The following SH3TC1 variants were observed in gnomAD, a reference collection of about 807,000 sequenced individuals.
SH3TC1 encodes the protein SH3 domain and tetratricopeptide repeat-containing protein 1.
A neutral mutation model predicts 117.3 loss-of-function variants in SH3TC1; 135 were observed. The ratio of observed to expected loss-of-function variants is 1.15; its 90% CI spans 1.00 to 1.33. SH3TC1 has a LOEUF of 1.33. Ranked by LOEUF, SH3TC1 falls within the 40% of genes most tolerant of loss-of-function variation. The probability of loss-of-function intolerance (pLI) is 0.00; values close to 1 mark genes in which losing one functional copy is unlikely to be tolerated. For synonymous variants in SH3TC1, 898 were observed against 816.9 expected (o/e 1.10, Z -1.69); for missense variants, 2,092 against 1,794.3 (o/e 1.17, Z -3.00).
At chr4:8,233,261 C>T in intron 13 of SH3TC1, 102 bp from the exon 14 acceptor site, 1 of 1,492,104 alleles carries the variant, frequency 6.7e-7, no homozygotes, top group Non-Finnish European at 8.9e-7. Context: ...AGGGCCGTTC[C>T]CAGTCCCATT....
chr4:8,198,145 T>C (rs1238211167), upstream of SH3TC1, among the ~76,000 whole-genome samples: 1 of 152,110 alleles, frequency 6.6e-6, no homozygotes, highest in Non-Finnish European at 1.5e-5. Context: ...CAAATGTCGG[T>C]AGTGCCTTGG....
At chr4:8,198,758 C>A (rs533241142), upstream of SH3TC1, among the ~76,000 whole-genome samples, 21 of 152,356 alleles carry the variant, frequency 1.4e-4, no homozygotes, top group African/African-American at 4.6e-4. Flanking sequence ...ATTGATGGAG[C>A]CAGTGGCCCG....
chr4:8,220,388 G>A (rs7673585), intron 9 of SH3TC1, among the ~76,000 whole-genome samples: 1 of 109,232 alleles, frequency 9.2e-6, no homozygotes, highest in East Asian at 2.3e-4. Flanking sequence ...TGGCTCCTCT[G>A]GGGGGGGCAC....
chr4:8,234,175 CCATCCATCATCCATCCATT>C (rs1721571705), intron 14 of SH3TC1, among the ~76,000 whole-genome samples: 1 of 146,704 alleles, frequency 6.8e-6, no homozygotes, highest in Non-Finnish European at 1.5e-5. Flanking sequence ...CATCATCCAT[CCATCCATCATCCATCCATT>C]CATCCATCCA....
chr4:8,207,076 G>GAA (rs1718271523), intron 2 of SH3TC1, among the ~76,000 whole-genome samples: 1 of 72,916 alleles, frequency 1.4e-5, no homozygotes, highest in African/African-American at 5.1e-5. Flanking sequence ...ATCCTTTATA[G>GAA]CAAAAAAAAA....
chr4:8,230,225 C>A (rs1420314510), intron 12 of SH3TC1, among the ~76,000 whole-genome samples: 4 of 152,194 alleles, frequency 2.6e-5, no homozygotes, highest in East Asian at 3.8e-4. Context: ...CTCATGGAAT[C>A]CTTTTATTTC....
intron 10 of SH3TC1, 84 bp downstream of exon 10, chr4:8,223,054 T>C: frequency 6.6e-7 from 1 of 1,515,748 alleles, no homozygotes. Flanking sequence ...CATCCACAGA[T>C]AGTGCCAGCC....
intron 1 of SH3TC1, 85 bp downstream of exon 1, chr4:8,199,490 C>T (rs1717687184): frequency 6.6e-6 from 1 of 152,256 alleles, no homozygotes; most frequent in Non-Finnish European, 1.5e-5. Flanking sequence ...GATCTTTACA[C>T]TTTCTTGAGG....
Position 8,236,383 on chromosome 4 carries a change from G to T in SH3TC1, c.3511G>T (p.Gly1171Cys). The change falls in exon 16 of 18, where the codon GGC becomes TGC. Residue 1171 changes from glycine (G) to cysteine (C), a missense_variant. Coordinates refer to ENST00000245105, the MANE Select transcript of SH3TC1 (RefSeq NM_018986.5). ...LLATLEEPQE[G>C]LEFAHMALAL... ...GGCCACGCTGGAGGAGCCCCAGGAG[G>T]GCTTGGAGTTTGCCCACATGGCCCT... 1.9e-6 allele frequency: 3 copies of T among 1,538,916 alleles called. No homozygotes were observed. The South Asian group carries it at 3.6e-5, about 19-fold the overall frequency.
At chr4:8,222,717 C>T (rs1266829218) in intron 9 of SH3TC1, 123 bp from the exon 10 acceptor site, 9 of 1,243,726 alleles carry the variant, frequency 7.2e-6, no homozygotes, top group African/African-American at 1.5e-5. Flanking sequence ...TGTCTCTACC[C>T]CTGGGCAGAG....
chr4:8,232,053 C>G lies in SH3TC1; in HGVS notation c.3028C>G (p.His1010Asp), dbSNP rs1465321894. The part of the protein sequence containing the change: ...MPSEAQCVIY[H>D]ELQLSLACKV... The stretch of plus-strand genomic sequence containing the variant: ...CAGCGAGGCCCAGTGTGTCATCTAC[C>G]ATGAGCTCCAGCTCTCCCTGGCCTG... Residue 1010 changes from histidine (H) to aspartate (D), a missense_variant, in exon 13 of 18, where the codon CAT (histidine) becomes GAT (aspartate). Physicochemically the swap from His to Asp is moderately conservative, Grantham distance 81. Transcript: ENST00000245105. 8.7e-6 allele frequency: 14 copies of G among 1,613,418 alleles called. No homozygotes were observed. The highest frequency in any genetic ancestry group is 1.3e-5 in the African/African-American group (1 of 74,926).
chr4:8,189,274 C>T (rs1308418186), intron 1 of SH3TC1, among the ~76,000 whole-genome samples: 3 of 152,340 alleles, frequency 2.0e-5, no homozygotes, highest in Non-Finnish European at 2.9e-5. Context: ...CCAGTCTCCT[C>T]GCTGGAGGAG....
chr4:8,212,694 C>A lies in SH3TC1; in HGVS notation c.248-7C>A. 1 of 1,612,858 alleles carries A rather than the reference C, an allele frequency of 6.2e-7. No individual in the cohort carries two copies. The highest frequency in any genetic ancestry group is 8.5e-7 in the Non-Finnish European group (1 of 1,179,920). Reference sequence around the variant, plus strand: ...ACCAACTGCCCAACCTCCGTCTGCCCCTCCAGACCTGACCCTGCAGCTGCT... The same window carrying A: ...ACCAACTGCCCAACCTCCGTCTGCCACTCCAGACCTGACCCTGCAGCTGCT... On this transcript the variant is annotated splice_region_variant and splice_polypyrimidine_tract_variant and intron_variant, in intron 3 of 17. Transcript: ENST00000245105.
At chr4:8,230,783 C>T (rs374907782) in intron 12 of SH3TC1, among the ~76,000 whole-genome samples, 2 of 134,168 alleles carry the variant, frequency 1.5e-5, no homozygotes, top group Non-Finnish European at 3.1e-5. Flanking sequence ...ATATGCTGTG[C>T]TTTTTTTTTT....
In SH3TC1 at chr4:8,237,675, G is replaced by C; in HGVS notation, c.3753+5G>C. 6.3e-7 allele frequency: 1 copy of C among 1,592,404 alleles called. No individual in the cohort carries two copies. ...ATCATCTTCTACGACCTGAAGGTGG[G>C]TGGGGAGGGGCTGGGCTCAGGGTGT... On this transcript the variant is annotated splice_donor_5th_base_variant and intron_variant, in intron 17 of 17. Coordinates refer to ENST00000245105, the MANE Select transcript of SH3TC1 (RefSeq NM_018986.5).
At chr4:8,207,335 TC>T (rs963527427) in intron 2 of SH3TC1, among the ~76,000 whole-genome samples, 13 of 152,212 alleles carry the variant, frequency 8.5e-5, no homozygotes, top group Admixed American at 6.5e-4. Flanking sequence ...CTAATTTTGG[TC>T]CCTTGGAGAA....
At chr4:8,218,116 ATGTGTGTGTG>A in intron 7 of SH3TC1, 145 bp from the exon 8 acceptor site, 1 of 476,800 alleles carries the variant, frequency 2.1e-6, no homozygotes, top group East Asian at 3.4e-5. Context: ...CTGGGCAGGC[ATGTGTGTGTG>A]TGTGTGTGTG....
At chr4:8,203,156 A>C (rs1046781478) in intron 1 of SH3TC1, among the ~76,000 whole-genome samples, 1 of 152,174 alleles carries the variant, frequency 6.6e-6, no homozygotes, top group Non-Finnish European at 1.5e-5. Context: ...CTGTCGCCAC[A>C]GTGGTGGCCC....
chr4:8,185,870 C>T (rs906835704), intron 1 of SH3TC1, among the ~76,000 whole-genome samples: 3 of 152,288 alleles, frequency 2.0e-5, no homozygotes, highest in African/African-American at 4.8e-5. Flanking sequence ...GTTTTATGAG[C>T]GTTGGTCATT....
Sources: allele counts gnomAD v4.1 joint callset (sites outside exome capture counted in the v4.1 genomes callset), GRCh38; gene constraint gnomAD v4.1.1; transcripts MANE v1.5; gene names NCBI Gene and HGNC (gene_info 2026-07-23, HGNC 2026-07-21).